IL6ST: variants seen among roughly 807,000 people sequenced by gnomAD.
IL6ST encodes the protein interleukin 6 cytokine family signal transducer.
Under a neutral mutation model 91.3 loss-of-function variants are expected in IL6ST, and 24 were observed. That is an observed-to-expected ratio of 0.26 (90% CI 0.19 to 0.37). The LOEUF is 0.37. IL6ST is among the 10% of genes least tolerant of loss of function. The pLI, the probability that IL6ST is intolerant of heterozygous loss-of-function variation, is 1.00. For missense variants in IL6ST, 914 were observed against 1,078.5 expected (o/e 0.85, Z 2.14); for synonymous variants, 351 against 373.6 (o/e 0.94, Z 0.70).
chr5:55,944,681 G>A (rs1362899266), intron 15 of IL6ST: 18 of 1,045,788 alleles, frequency 1.7e-5, no homozygotes, highest in South Asian at 2.7e-5. Flanking sequence ...AGGAAGAAGC[G>A]AATGCGCAGG....
Position 55,958,817 on chromosome 5 carries a change from C to A in IL6ST, c.974-1526G>T, listed in dbSNP as rs999047460. ...TCATGCCACTGCACTCCAGCCTGGGCAATAGAGTGAGGCACTATTTCCAAA... is the reference window on the plus strand; with the variant it reads ...TCATGCCACTGCACTCCAGCCTGGGAAATAGAGTGAGGCACTATTTCCAAA... On this transcript the variant is annotated intron_variant, in intron 8 of 16. Transcript: ENST00000381298. 8.0e-5 allele frequency among the ~76,000 whole-genome samples: 10 copies of A among 125,652 alleles called. No individual in the cohort carries two copies. The East Asian group carries it at 1.3e-3, about 17-fold the overall frequency. The allele number at this position is 125,652 out of a possible 152,430, so 82.4% of individuals were successfully genotyped here.
chr5:55,952,449 A>C, intron 11 of IL6ST, 98 bp from the exon 12 acceptor site: 1 of 660,062 alleles, frequency 1.5e-6, no homozygotes, highest in Non-Finnish European at 2.5e-6. Flanking sequence ...TGACCACTTA[A>C]TTTTCTTTTA....
chr5:55,977,697 G>A (rs1359398487), intron 2 of IL6ST, among the ~76,000 whole-genome samples: 1 of 152,066 alleles, frequency 6.6e-6, no homozygotes, highest in Non-Finnish European at 1.5e-5. Flanking sequence ...GTGGTGGCGG[G>A]TGTCTGTGAT....
At chr5:55,954,463 A>C (rs1235745912) in intron 11 of IL6ST, among the ~76,000 whole-genome samples, 4 of 152,198 alleles carry the variant, frequency 2.6e-5, no homozygotes. Context: ...TGCTCTAGGA[A>C]ACTATTTTCT....
At chr5:55,973,610 C>T (rs1175281784) in intron 3 of IL6ST, among the ~76,000 whole-genome samples, 3 of 152,166 alleles carry the variant, frequency 2.0e-5, no homozygotes, top group Non-Finnish European at 4.4e-5. Flanking sequence ...ATGACTCCAG[C>T]CCCCAGTCTG....
Position 55,960,669 on chromosome 5 carries a change from C to T in IL6ST, c.814-108G>A, listed in dbSNP as rs1009170546. The T allele has an allele frequency of 8.4e-6, 9 of 1,066,928 alleles. No homozygotes were observed. The South Asian group carries it at 1.0e-4, about 12-fold the overall frequency. The allele number at this position is 1,066,928 out of a possible 1,614,324, so 66.1% of individuals were successfully genotyped here. A position where few individuals can be genotyped will look rare whatever the true frequency, so the allele number is the denominator to read the frequency against. On this transcript the variant is annotated intron_variant, in intron 7 of 16. Transcript: ENST00000381298. ...TTGAGGCACAGCCTTGCTCTGTTGC[C>T]CAGGTTGGAGTGCAGTGGTGCGATC...
rs1451442476 is a variant in IL6ST at position 55,951,846 on chromosome 5, T to C, written c.1699+83A>G. ...CCTGAGGCCAATATACTATAAGATG[T>C]ATAAGAAGAACAGACTTAAATTAGT... On this transcript the variant is annotated intron_variant, in intron 13 of 16. Transcript: ENST00000381298. 3 of 889,498 alleles carry C rather than the reference T, an allele frequency of 3.4e-6. No homozygotes were observed. In the African/African-American group the frequency reaches 5.1e-5, roughly 15 times the overall value. 55.1% of individuals were successfully genotyped at this position (889,498 alleles called of 1,614,324 possible).
At position 55,963,355 on chromosome 5, in the gene IL6ST, G is replaced by A; in HGVS notation, c.810C>T (p.Ser270=). The change falls in exon 7 of 17, where the codon AGC becomes AGT. Residue 270 remains serine (S), a synonymous_variant. Transcript: ENST00000381298. ...TAAACGGTAACTTTCAATTTACCTG[G>A]CTCCAAGTTGAGGCATCTTTGGTCC... The part of the protein sequence containing the change: ...QYRTKDASTW[S]QIPPEDTAST... 3 of 1,570,800 alleles carry A rather than the reference G, an allele frequency of 1.9e-6. No homozygotes were observed. Among genetic ancestry groups the A allele is most frequent in the Non-Finnish European group, 2.6e-6 (3 of 1,158,500 alleles).
At chr5:55,989,266 G>T (rs1438926497) in intron 1 of IL6ST, among the ~76,000 whole-genome samples, 1 of 151,122 alleles carries the variant, frequency 6.6e-6, no homozygotes, top group African/African-American at 2.4e-5. Flanking sequence ...GTGTATATAA[G>T]AATTTAGTAT....
chr5:55,981,579 G>T (rs1580859833), intron 2 of IL6ST, among the ~76,000 whole-genome samples: 1 of 152,126 alleles, frequency 6.6e-6, no homozygotes. Context: ...GGAGGCGGAG[G>T]TTGCAGCGAG....
intron 3 of IL6ST, 29 bp from the exon 4 acceptor site, chr5:55,969,884 A>G (rs770253888): frequency 2.1e-5 from 30 of 1,455,472 alleles, no homozygotes; most frequent in Non-Finnish European, 2.8e-6. Flanking sequence ...AAATATATAA[A>G]TGGACTGAAT....
chr5:55,964,226 T>C lies in IL6ST; in HGVS notation c.578A>G (p.Asn193Ser), dbSNP rs758415397. 6.2e-7 allele frequency: 1 copy of C among 1,611,286 alleles called. No individual in the cohort carries two copies. The highest frequency in any genetic ancestry group is 8.5e-7 in the Non-Finnish European group (1 of 1,178,006). The change falls in exon 6 of 17, where the codon AAC becomes AGC. Residue 193 changes from asparagine (N) to serine (S), a missense_variant. Asn to Ser is a conservative substitution (Grantham distance 46, BLOSUM62 1). Coordinates refer to ENST00000381298, the MANE Select transcript of IL6ST (RefSeq NM_002184.4). Reference sequence around the variant, plus strand: ...CTCTGCTTCTACCCAGACTTCAATGTTGACAAAATACACAGTAGAATAATC... The same window carrying C: ...CTCTGCTTCTACCCAGACTTCAATGCTGACAAAATACACAGTAGAATAATC... ...TVDYSTVYFV[N>S]IEVWVEAENA...
At chr5:55,973,914 A>G (rs1753112938) in intron 3 of IL6ST, among the ~76,000 whole-genome samples, 1 of 152,240 alleles carries the variant, frequency 6.6e-6, no homozygotes, top group Admixed American at 6.5e-5. Context: ...ATTTAAAATT[A>G]TGCTGAAAGA....
intron 3 of IL6ST, among the ~76,000 whole-genome samples, chr5:55,974,777 T>G (rs893219250): frequency 2.0e-5 from 3 of 152,034 alleles, no homozygotes; most frequent in Non-Finnish European, 4.4e-5. Flanking sequence ...TGAGCCACCA[T>G]GCCTGGCCTC....
intron 5 of IL6ST, among the ~76,000 whole-genome samples, chr5:55,964,773 T>A (rs1205146921): frequency 6.6e-6 from 1 of 152,162 alleles, no homozygotes; most frequent in Non-Finnish European, 1.5e-5. Flanking sequence ...CTAGTCAAAC[T>A]TAGGCAACTA....
chr5:55,981,065 A>G (rs1753637995), intron 2 of IL6ST, among the ~76,000 whole-genome samples: 1 of 152,210 alleles, frequency 6.6e-6, no homozygotes, highest in Non-Finnish European at 1.5e-5. Flanking sequence ...GCTGCTCCAG[A>G]ACAAGAGGTC....
rs768979387 is a variant in IL6ST, at chr5:55,947,499, C to G, written c.1931G>C (p.Arg644Pro). 1.8e-5 allele frequency: 28 copies of G among 1,550,574 alleles called. No individual in the cohort carries two copies. Among genetic ancestry groups the G allele is most frequent in the Non-Finnish European group, 2.3e-5 (26 of 1,139,822 alleles). The change falls in exon 15 of 17, where the codon CGA (arginine) becomes CCA (proline). Residue 644 changes from arginine to proline, a missense_variant. Arg to Pro is a moderately radical substitution (Grantham distance 103). Transcript: ENST00000381298. Reference protein sequence around the residue: ...LLGVLFCFNKRDLIKKHIWPN... With the variant: ...LLGVLFCFNKPDLIKKHIWPN... ...TATGAATAAAGTTACTTACAGGTCT[C>G]GCTTATTAAAGCAGAACAGCACTCC... is the stretch of plus-strand genomic sequence containing the variant.
intron 1 of IL6ST, among the ~76,000 whole-genome samples, chr5:55,985,290 T>C (rs914273973): frequency 6.6e-6 from 1 of 151,998 alleles, no homozygotes; most frequent in African/African-American, 2.4e-5. Context: ...CCGAAGTGGG[T>C]AGATCACCTG....
At position 55,936,220 on chromosome 5, in the gene IL6ST, A is replaced by C. The variant is rs577393644; in HGVS notation, c.*4862T>G. 4.4e-6 allele frequency: 1 copy of C among 228,560 alleles called. No individual in the cohort carries two copies. The highest frequency in any genetic ancestry group is 5.7e-5 in the Admixed American group (1 of 17,618). 14.2% of individuals were successfully genotyped at this position (228,560 alleles called of 1,614,324 possible). On this transcript the variant is annotated 3_prime_UTR_variant, in exon 17 of 17. Transcript: ENST00000381298. ...AAGTAGCAGGAGGATGCCATGTATC[A>C]ATCTTGAACTTCAAGTCTCACTGCA...
Sources: gnomAD v4.1 joint callset for allele counts (sites outside exome capture counted in the v4.1 genomes callset) on GRCh38, gnomAD v4.1.1 for gene constraint, MANE v1.5 for transcripts, NCBI Gene and HGNC (gene_info 2026-07-23, HGNC 2026-07-21) for gene names.